The following PLCXD3 variants were observed in gnomAD, a reference collection of about 807,000 sequenced individuals.
The protein encoded by PLCXD3 is phosphatidylinositol specific phospholipase C X domain containing 3, also known as PI-PLC X domain-containing protein 3.
PLCXD3 carries 19 observed loss-of-function variants against 25.5 expected under a neutral mutation model. That is an observed-to-expected ratio of 0.75 (90% CI 0.52 to 1.09). PLCXD3 has a LOEUF of 1.09. Among genes scored for constraint, PLCXD3 ranks in the 50% least tolerant of loss-of-function variants. The probability of loss-of-function intolerance (pLI) is 0.00; values close to 1 mark genes in which losing one functional copy is unlikely to be tolerated. For synonymous variants in PLCXD3, 174 were observed against 137.6 expected (o/e 1.26, Z -1.85); for missense variants, 411 against 388.1 (o/e 1.06, Z -0.50).
rs1305633251 is a variant in PLCXD3 at position 41,492,213 on chromosome 5, T to C, written c.103+18211A>G. On this transcript the variant is annotated intron_variant, in intron 1 of 2. Coordinates refer to ENST00000377801, the MANE Select transcript of PLCXD3 (RefSeq NM_001005473.3). ...TTATGAAGCTTAGTTTGGCTGGATATGAAATTCTGGGTTGAAAATTATTTT... is the reference window on the plus strand; with the variant it reads ...TTATGAAGCTTAGTTTGGCTGGATACGAAATTCTGGGTTGAAAATTATTTT... Among the ~76,000 whole-genome samples the C allele has an allele frequency of 2.0e-5, 3 of 152,342 alleles. No homozygotes were observed. The East Asian group carries it at 5.8e-4, about 29-fold the overall frequency.
intron 1 of PLCXD3, among the ~76,000 whole-genome samples, chr5:41,453,640 A>T (rs1580380913): frequency 1.3e-5 from 2 of 152,150 alleles, no homozygotes; most frequent in South Asian, 4.1e-4. Flanking sequence ...ATAGTTACTT[A>T]TGTTTTATAG....
At chr5:41,501,925 G>T (rs1351570314) in intron 1 of PLCXD3, among the ~76,000 whole-genome samples, 3 of 152,070 alleles carry the variant, frequency 2.0e-5, no homozygotes, top group African/African-American at 7.2e-5. Flanking sequence ...AAGAGAAAGA[G>T]ATATAACAAC....
rs751131624 is a variant in PLCXD3, at chr5:41,440,249, T to TTTTTTTTTTTTTTTTTTTTTTTTTTG, written c.104-57716_104-57715insCAAAAAAAAAAAAAAAAAAAAAAAAA. Among the ~76,000 whole-genome samples, 50 of 100,388 alleles carry TTTTTTTTTTTTTTTTTTTTTTTTTTG rather than the reference T, an allele frequency of 5.0e-4. 9 individuals are homozygous for TTTTTTTTTTTTTTTTTTTTTTTTTTG. Among genetic ancestry groups the TTTTTTTTTTTTTTTTTTTTTTTTTTG allele is most frequent in the Non-Finnish European group, 7.5e-4 (37 of 49,614 alleles). 65.9% of individuals were successfully genotyped at this position (100,388 alleles called of 152,430 possible). A position where few individuals can be genotyped will look rare whatever the true frequency, so the allele number is the denominator to read the frequency against. On this transcript the variant is annotated intron_variant, in intron 1 of 2. Coordinates refer to ENST00000377801, the MANE Select transcript of PLCXD3 (RefSeq NM_001005473.3). The stretch of plus-strand genomic sequence containing the variant: ...TTTTTTTTTTTTTTTTTTTTTTTTT[T>TTTTTTTTTTTTTTTTTTTTTTTTTTG]TTAGTCAGAGTCTCACTGTGTCACC...
At chr5:41,388,491 T>C (rs1004663844) in intron 1 of PLCXD3, among the ~76,000 whole-genome samples, 1 of 152,100 alleles carries the variant, frequency 6.6e-6, no homozygotes, top group Admixed American at 6.6e-5. Flanking sequence ...CCCTGAATGG[T>C]ACCCTCATTC....
At chr5:41,404,985 T>C (rs1746308597) in intron 1 of PLCXD3, among the ~76,000 whole-genome samples, 1 of 152,158 alleles carries the variant, frequency 6.6e-6, no homozygotes. Flanking sequence ...TGAGCTTGCT[T>C]TTGACAACAC....
intron 1 of PLCXD3, among the ~76,000 whole-genome samples, chr5:41,436,462 A>G (rs1747257274): frequency 6.6e-6 from 1 of 152,096 alleles, no homozygotes; most frequent in South Asian, 2.1e-4. Flanking sequence ...TACCCACAAG[A>G]CTAGTTCAGA....
chr5:41,424,470 G>A (rs2150506868), intron 1 of PLCXD3, among the ~76,000 whole-genome samples: 1 of 152,238 alleles, frequency 6.6e-6, no homozygotes, highest in Non-Finnish European at 1.5e-5. Context: ...AACCTGGGAG[G>A]CGGAGGTTGT....
intron 2 of PLCXD3, among the ~76,000 whole-genome samples, chr5:41,352,847 A>G (rs960586384): frequency 9.9e-5 from 15 of 152,168 alleles, no homozygotes; most frequent in African/African-American, 3.6e-4. Flanking sequence ...GTTAATTACA[A>G]GAAAGGCCCA....
At chr5:41,456,741 T>C (rs902200251) in intron 1 of PLCXD3, among the ~76,000 whole-genome samples, 4 of 151,796 alleles carry the variant, frequency 2.6e-5, no homozygotes, top group Non-Finnish European at 5.9e-5. Flanking sequence ...CCTTGTCCCT[T>C]CCACCATATG....
chr5:41,390,144 A>T (rs937739538), intron 1 of PLCXD3, among the ~76,000 whole-genome samples: 3 of 152,166 alleles, frequency 2.0e-5, no homozygotes, highest in Admixed American at 2.0e-4. Flanking sequence ...CTTAGATGAT[A>T]TATTTTGAGA....
At chr5:41,345,879 T>G (rs1190916095) in intron 2 of PLCXD3, among the ~76,000 whole-genome samples, 1 of 135,412 alleles carries the variant, frequency 7.4e-6, no homozygotes, top group Non-Finnish European at 1.5e-5. Context: ...TTCTTTTCTT[T>G]TTTTTATTTT....
chr5:41,362,788 G>C (rs1226811545), intron 2 of PLCXD3, among the ~76,000 whole-genome samples: 1 of 152,152 alleles, frequency 6.6e-6, no homozygotes, highest in East Asian at 1.9e-4. Context: ...TTATAGTGCT[G>C]CGTAGTCCAG....
At chr5:41,362,095 C>T (rs182034486) in intron 2 of PLCXD3, among the ~76,000 whole-genome samples, 1 of 152,210 alleles carries the variant, frequency 6.6e-6, no homozygotes, top group Non-Finnish European at 1.5e-5. Context: ...ATCAGTGACA[C>T]TCTTTGGAAG....
chr5:41,460,237 G>T (rs1157671951), intron 1 of PLCXD3, among the ~76,000 whole-genome samples: 2 of 151,804 alleles, frequency 1.3e-5, no homozygotes, highest in Non-Finnish European at 1.5e-5. Flanking sequence ...CTATCATATT[G>T]GTGACTATGC....
intron 2 of PLCXD3, among the ~76,000 whole-genome samples, chr5:41,361,649 T>C (rs1459452916): frequency 6.6e-6 from 1 of 152,184 alleles, no homozygotes. Flanking sequence ...TCACTCATTC[T>C]CCAAATAAAA....
chr5:41,392,673 C>T (rs969330648), intron 1 of PLCXD3, among the ~76,000 whole-genome samples: 7 of 152,174 alleles, frequency 4.6e-5, no homozygotes. Context: ...CTGCTAGCAT[C>T]AACATCATCC....
intron 1 of PLCXD3, among the ~76,000 whole-genome samples, chr5:41,430,083 T>C (rs994382564): frequency 6.6e-6 from 1 of 152,182 alleles, no homozygotes; most frequent in Non-Finnish European, 1.5e-5. Flanking sequence ...GCTTGCTAGA[T>C]GTGCAAGCTT....
intron 1 of PLCXD3, among the ~76,000 whole-genome samples, chr5:41,417,833 G>C (rs1202549781): frequency 6.6e-6 from 1 of 152,192 alleles, no homozygotes; most frequent in Non-Finnish European, 1.5e-5. Flanking sequence ...TGCCCACTGT[G>C]GGCCTGAGGG....
At chr5:41,349,919 G>C (rs1328153626) in intron 2 of PLCXD3, among the ~76,000 whole-genome samples, 1 of 151,080 alleles carries the variant, frequency 6.6e-6, no homozygotes, top group African/African-American at 2.4e-5. Context: ...AAACATGCAG[G>C]ATTGGATTTT....
Sources: gnomAD v4.1 joint callset for allele counts (sites outside exome capture counted in the v4.1 genomes callset) on GRCh38, gnomAD v4.1.1 for gene constraint, MANE v1.5 for transcripts, NCBI Gene and HGNC (gene_info 2026-07-23, HGNC 2026-07-21) for gene names.